Variants in CNTN5 observed in about 807,000 individuals in gnomAD.
The protein encoded by CNTN5 is contactin 5.
In CNTN5, 77 loss-of-function variants were observed where a neutral mutation model predicts 129.1. That is an observed-to-expected ratio of 0.60 (90% confidence interval 0.50 to 0.72). The LOEUF (loss-of-function observed/expected upper bound fraction) is 0.72, where lower values mean the gene tolerates loss of function less well. Among genes scored for constraint, CNTN5 ranks in the 30% least tolerant of loss-of-function variants. The pLI, the probability that CNTN5 is intolerant of heterozygous loss-of-function variation, is 0.00. For synonymous variants in CNTN5, 509 were observed against 465.6 expected, an observed-to-expected ratio of 1.09 and a Z score of -1.20; for missense variants, 1,478 against 1,328.8, an observed-to-expected ratio of 1.11 and a Z score of -1.75.
chr11:99,817,049 A>G (rs75488356), intron 3 of CNTN5, among the ~76,000 whole-genome samples: 53 of 152,280 alleles, frequency 3.5e-4, no homozygotes, highest in African/African-American at 1.2e-3. Context: ...CCATGCGGGG[A>G]GCCCATAGGT....
At chr11:99,347,693 A>AT (rs201721379) in intron 2 of CNTN5, among the ~76,000 whole-genome samples, 2 of 151,668 alleles carry the variant, frequency 1.3e-5, no homozygotes, top group Non-Finnish European at 2.9e-5. Context: ...CGTTATTTGC[A>AT]TTTTTTTGGT....
chr11:100,014,063 C>T (rs1235310750), intron 9 of CNTN5, among the ~76,000 whole-genome samples: 1 of 152,122 alleles, frequency 6.6e-6, no homozygotes, highest in East Asian at 1.9e-4. Flanking sequence ...TTTTCATATG[C>T]AGTTCTTAGA....
chr11:100,154,338 T>A (rs1179671232), intron 13 of CNTN5, among the ~76,000 whole-genome samples: 1 of 91,494 alleles, frequency 1.1e-5, no homozygotes. Context: ...ATTTTCTTTA[T>A]CCAGTCTATC....
intron 3 of CNTN5, among the ~76,000 whole-genome samples, chr11:99,682,753 A>G (rs181454039): frequency 3.6e-4 from 55 of 152,066 alleles, no homozygotes; most frequent in African/African-American, 1.2e-3. Context: ...GAATGGAAAA[A>G]ACACATCAGT....
chr11:99,756,838 TTATA>T (rs1002311120), intron 3 of CNTN5, among the ~76,000 whole-genome samples: 2 of 151,786 alleles, frequency 1.3e-5, no homozygotes, highest in African/African-American at 4.8e-5. Context: ...AAGCCATGTA[TTATA>T]TAAAAAGAAA....
chr11:99,161,321 T>G (rs1423704055), intron 1 of CNTN5, among the ~76,000 whole-genome samples: 1 of 152,200 alleles, frequency 6.6e-6, no homozygotes, highest in African/African-American at 2.4e-5. Flanking sequence ...TACCCAATAC[T>G]TTTTATTTCC....
At chr11:99,397,731 A>G (rs1941599725) in intron 2 of CNTN5, among the ~76,000 whole-genome samples, 1 of 151,660 alleles carries the variant, frequency 6.6e-6, no homozygotes, top group African/African-American at 2.4e-5. Context: ...TTCTGGTATT[A>G]CAAGATGTTT....
rs114088943 is a variant in CNTN5, at chr11:99,654,142, T to C, written c.55+97873T>C. Among the ~76,000 whole-genome samples the C allele has an allele frequency of 2.2e-3, 341 of 152,208 alleles. 1 individual carries two copies. The highest frequency in any genetic ancestry group is 7.5e-3 in the African/African-American group (311 of 41,562). On this transcript the variant is annotated intron_variant, in intron 3 of 24. Coordinates refer to ENST00000524871, the MANE Select transcript of CNTN5 (RefSeq NM_014361.4). Reference sequence around the variant, plus strand: ...TCAGAACTGAGTCTTTGCTTGAATTTTGAGTGATTACTAGGTATGTTTTCA... The same window carrying C: ...TCAGAACTGAGTCTTTGCTTGAATTCTGAGTGATTACTAGGTATGTTTTCA...
intron 9 of CNTN5, among the ~76,000 whole-genome samples, chr11:100,006,482 T>A (rs887981389): frequency 1.3e-5 from 2 of 152,146 alleles, no homozygotes; most frequent in South Asian, 2.1e-4. Flanking sequence ...ATTTCAACAA[T>A]GTCCACAGCA....
At chr11:99,266,153 T>G (rs1862873488) in intron 1 of CNTN5, among the ~76,000 whole-genome samples, 1 of 152,092 alleles carries the variant, frequency 6.6e-6, no homozygotes, top group South Asian at 2.1e-4. Context: ...ATTCATGAAT[T>G]CAATTGACCA....
chr11:99,103,866 A>T (rs995118428), intron 1 of CNTN5, among the ~76,000 whole-genome samples: 1 of 152,160 alleles, frequency 6.6e-6, no homozygotes, highest in Non-Finnish European at 1.5e-5. Context: ...AAGCCAAAAA[A>T]TGCATGAAGC....
intron 1 of CNTN5, among the ~76,000 whole-genome samples, chr11:99,025,554 T>C (rs2135065023): frequency 6.6e-6 from 1 of 151,862 alleles, no homozygotes; most frequent in Middle Eastern, 3.4e-3. Flanking sequence ...GCTGATTATA[T>C]AGGTGATAAA....
chr11:99,084,927 A>G (rs527769078), intron 1 of CNTN5, among the ~76,000 whole-genome samples: 8 of 152,268 alleles, frequency 5.3e-5, no homozygotes, highest in Non-Finnish European at 8.8e-5. Context: ...TATCTGATTA[A>G]TATATTTTTC....
At chr11:99,475,453 A>C (rs1054722184) in intron 2 of CNTN5, among the ~76,000 whole-genome samples, 1 of 152,176 alleles carries the variant, frequency 6.6e-6, no homozygotes, top group Non-Finnish European at 1.5e-5. Context: ...AGGCCATCAT[A>C]TTATCTGAAA....
chr11:99,393,509 C>A (rs897439422), intron 2 of CNTN5, among the ~76,000 whole-genome samples: 1 of 151,702 alleles, frequency 6.6e-6, no homozygotes, highest in Admixed American at 6.6e-5. Context: ...GCAAAGGGAG[C>A]TAAGTAAGTT....
At chr11:99,523,639 TAGAATAGAATAGAA>T (rs1565258532) in intron 2 of CNTN5, among the ~76,000 whole-genome samples, 5 of 50,412 alleles carry the variant, frequency 9.9e-5, no homozygotes, top group African/African-American at 2.3e-4. Flanking sequence ...TAGAATAGAA[TAGAATAGAATAGAA>T]CAGAACAGAT....
chr11:99,382,844 A>AGTTTTTTTTTTTTTTT lies in CNTN5; in HGVS notation c.-71+57360_-71+57361insGTTTTTTTTTTTTTTT, dbSNP rs774797660. 1.4e-4 allele frequency among the ~76,000 whole-genome samples: 10 copies of AGTTTTTTTTTTTTTTT among 69,344 alleles called. 2 individuals are homozygous for AGTTTTTTTTTTTTTTT. Among genetic ancestry groups the AGTTTTTTTTTTTTTTT allele is most frequent in the African/African-American group, 1.4e-4 (2 of 13,966 alleles). 45.5% of individuals were successfully genotyped at this position (69,344 alleles called of 152,430 possible). A position where few individuals can be genotyped will look rare whatever the true frequency, so the allele number is the denominator to read the frequency against. ...CACATCTCACTAGTGTCTCTAAATA[A>AGTTTTTTTTTTTTTTT]CTTTTTTTTTTTTTTTTTTTTTTTT... On this transcript the variant is annotated intron_variant, in intron 2 of 24. Transcript: ENST00000524871.
At chr11:99,251,152 T>C (rs1862080580) in intron 1 of CNTN5, among the ~76,000 whole-genome samples, 1 of 151,960 alleles carries the variant, frequency 6.6e-6, no homozygotes, top group Non-Finnish European at 1.5e-5. Context: ...GCTCTGCATA[T>C]TGGAAACAAA....
chr11:99,091,032 A>G (rs1866228009), intron 1 of CNTN5, among the ~76,000 whole-genome samples: 1 of 151,398 alleles, frequency 6.6e-6, no homozygotes, highest in South Asian at 2.1e-4. Flanking sequence ...AAAAAAAAAA[A>G]AAAAAAAAAA....
Sources: allele counts gnomAD v4.1 joint callset (sites outside exome capture counted in the v4.1 genomes callset), GRCh38; gene constraint gnomAD v4.1.1; transcripts MANE v1.5; gene names NCBI Gene and HGNC (gene_info 2026-07-23, HGNC 2026-07-21).